The following SLC39A12 variants were observed in gnomAD, a reference collection of about 807,000 sequenced individuals.
SLC39A12 encodes the protein zinc transporter ZIP12.
In SLC39A12, 63 loss-of-function variants were observed where a neutral mutation model predicts 71.1. That is an observed-to-expected ratio of 0.89 (90% CI 0.72 to 1.09). SLC39A12 has a LOEUF of 1.09. SLC39A12 is among the 50% of genes least tolerant of loss of function. The pLI is 0.00. For missense variants in SLC39A12, 892 were observed against 812.6 expected, an observed-to-expected ratio of 1.10 and a Z score of -1.19; for synonymous variants, 351 against 301.3, an observed-to-expected ratio of 1.16 and a Z score of -1.71.
intron 12 of SLC39A12, among the ~76,000 whole-genome samples, chr10:18,034,548 C>T (rs1235620288): frequency 6.6e-6 from 1 of 150,954 alleles, no homozygotes; most frequent in African/African-American, 2.4e-5. Flanking sequence ...TGTCTCTGCA[C>T]ATGAGATGGG....
chr10:17,963,540 C>A (rs1834745199), intron 3 of SLC39A12, among the ~76,000 whole-genome samples: 1 of 152,230 alleles, frequency 6.6e-6, no homozygotes, highest in African/African-American at 2.4e-5. Context: ...CCTGCTGAGT[C>A]ATAACCCTTT....
intron 3 of SLC39A12, among the ~76,000 whole-genome samples, chr10:17,964,323 G>A (rs1834769296): frequency 1.3e-5 from 2 of 152,068 alleles, no homozygotes; most frequent in African/African-American, 4.8e-5. Flanking sequence ...ACTCTGCTCT[G>A]GACCATGGTT....
At chr10:18,042,432 TG>T (rs889876744) in intron 12 of SLC39A12, among the ~76,000 whole-genome samples, 5 of 122,706 alleles carry the variant, frequency 4.1e-5, no homozygotes, top group African/African-American at 1.6e-4. Context: ...CACTCCAGCC[TG>T]GGTGACAGGG....
chr10:17,971,665 C>A (rs1378649031), intron 4 of SLC39A12, among the ~76,000 whole-genome samples: 1 of 152,020 alleles, frequency 6.6e-6, no homozygotes, highest in African/African-American at 2.4e-5. Flanking sequence ...TGAATTTCTG[C>A]AGTATCAGTT....
rs373279347 is a variant in SLC39A12, at chr10:18,003,187, C to T, written c.1776C>T (p.Leu592=). The change falls in exon 12 of 13, where the codon CTC becomes CTT. Residue 592 remains leucine (L), a synonymous_variant. Transcript: ENST00000377369. ...AAACTTCAGGAGACTTTGCCGTGCT[C>T]TTAAGCTCTGGACTTTCTATGAAGA... ...IPHEMGDFAV[L]LSSGLSMKTA... 1.7e-5 allele frequency: 28 copies of T among 1,613,650 alleles called. No individual in the cohort carries two copies. In the African/African-American group the frequency reaches 2.7e-4, roughly 15 times the overall value.
At chr10:18,042,448 G>T (rs1003514644) in intron 12 of SLC39A12, among the ~76,000 whole-genome samples, 12 of 111,892 alleles carry the variant, frequency 1.1e-4, no homozygotes, top group Non-Finnish European at 2.1e-4. Flanking sequence ...ACAGGGCAAA[G>T]ACCCTGCCTC....
At chr10:18,035,668 C>T (rs2130900095) in intron 12 of SLC39A12, among the ~76,000 whole-genome samples, 1 of 152,340 alleles carries the variant, frequency 6.6e-6, no homozygotes, top group Admixed American at 6.5e-5. Flanking sequence ...ATTCTCCATC[C>T]AGCTTTGTTC....
Position 18,003,201 on chromosome 10 carries a change from T to A in SLC39A12, c.1790T>A (p.Leu597His). Residue 597 changes from leucine to histidine, a missense_variant, in exon 12 of 13, where the codon CTT (leucine) becomes CAT (histidine). Leu to His is a moderately conservative substitution (Grantham distance 99). Coordinates refer to ENST00000377369, the MANE Select transcript of SLC39A12 (RefSeq NM_001145195.2). ...GDFAVLLSSG[L>H]SMKTAILMNF... ...TTTGCCGTGCTCTTAAGCTCTGGAC[T>A]TTCTATGAAGACTGCCATCCTGATG... 1 of 1,614,154 alleles carries A rather than the reference T, an allele frequency of 6.2e-7. No homozygotes were observed. The highest frequency in any genetic ancestry group is 1.1e-5 in the South Asian group (1 of 91,066).
At chr10:17,973,667 T>C (rs546917054) in intron 4 of SLC39A12, among the ~76,000 whole-genome samples, 2 of 152,300 alleles carry the variant, frequency 1.3e-5, no homozygotes, top group East Asian at 3.9e-4. Flanking sequence ...ATCCTTTCTT[T>C]ATCTTTGATC....
In SLC39A12 at chr10:17,973,714, G is replaced by A. The variant is rs150935627; in HGVS notation, c.752-4188G>A. Among the ~76,000 whole-genome samples, 1,015 of 151,990 alleles carry A rather than the reference G, an allele frequency of 6.7e-3. 14 individuals carry two copies. Among genetic ancestry groups the A allele is most frequent in the African/African-American group, 0.023 (938 of 41,464 alleles). Reference sequence around the variant, plus strand: ...GCTTATTAAATGCCTTGAGGTAGTCGTCTTTGGGTCAAATCTGCTTGGTGT... The same window carrying A: ...GCTTATTAAATGCCTTGAGGTAGTCATCTTTGGGTCAAATCTGCTTGGTGT... On this transcript the variant is annotated intron_variant, in intron 4 of 12. Transcript: ENST00000377369.
At chr10:17,968,206 T>A (rs1191805600) in intron 4 of SLC39A12, among the ~76,000 whole-genome samples, 1 of 152,068 alleles carries the variant, frequency 6.6e-6, no homozygotes, top group Non-Finnish European at 1.5e-5. Flanking sequence ...ACTATTTATT[T>A]CCAGTTCTCA....
intron 12 of SLC39A12, among the ~76,000 whole-genome samples, chr10:18,035,937 G>T (rs1280802158): frequency 2.6e-5 from 4 of 152,146 alleles, no homozygotes; most frequent in Admixed American, 2.6e-4. Flanking sequence ...CCTGCTGGGG[G>T]GTGCCTCCCA....
At chr10:18,017,587 A>T (rs1836422086) in intron 12 of SLC39A12, among the ~76,000 whole-genome samples, 1 of 152,198 alleles carries the variant, frequency 6.6e-6, no homozygotes, top group Non-Finnish European at 1.5e-5. Context: ...CTGTGTCTAG[A>T]TTCACTTTTT....
intron 12 of SLC39A12, among the ~76,000 whole-genome samples, chr10:18,018,762 T>G (rs531876594): frequency 5.3e-5 from 8 of 152,148 alleles, no homozygotes; most frequent in Non-Finnish European, 1.2e-4. Context: ...TTTTGTACAT[T>G]GTTGGTTTTG....
Position 17,953,454 on chromosome 10 carries a change from C to A in SLC39A12, c.178C>A (p.His60Asn), listed in dbSNP as rs782328046. 9 of 1,614,110 alleles carry A rather than the reference C, an allele frequency of 5.6e-6. No individual in the cohort carries two copies. The highest frequency in any genetic ancestry group is 1.3e-5 in the African/African-American group (1 of 74,940). The change falls in exon 2 of 13, where the codon CAC becomes AAC. Residue 60 changes from histidine (H) to asparagine (N), a missense_variant. Transcript: ENST00000377369. ...LSAGDHPPHN[H>N]SRSLIKTLLE... ...TGCTGGTGACCACCCACCCCACAACCACTCAAGAAGCCTCATCAAAACATT... is the reference window on the plus strand; with the variant it reads ...TGCTGGTGACCACCCACCCCACAACAACTCAAGAAGCCTCATCAAAACATT...
rs1244832716 is a variant in SLC39A12, at chr10:18,000,826, G to A, written c.1759+1G>A. 3 of 1,613,322 alleles carry A rather than the reference G, an allele frequency of 1.9e-6. No individual in the cohort carries two copies. Among genetic ancestry groups the A allele is most frequent in the Admixed American group, 1.7e-5 (1 of 59,968 alleles). On this transcript the variant is annotated splice_donor_variant, in intron 11 of 12. Transcript: ENST00000377369. LOFTEE classifies it high-confidence loss of function. ...TGTCATGAAATCCCACATGAAATGG[G>A]TAAGTTCAACAATGGAATTACTGTT...
chr10:17,976,031 G>A (rs1030537237), intron 4 of SLC39A12, among the ~76,000 whole-genome samples: 2 of 152,170 alleles, frequency 1.3e-5, no homozygotes, highest in Non-Finnish European at 2.9e-5. Context: ...CCACACTGCT[G>A]CTACTGGGGA....
chr10:17,996,510 G>A (rs1166519295), intron 10 of SLC39A12, among the ~76,000 whole-genome samples: 1 of 152,154 alleles, frequency 6.6e-6, no homozygotes, highest in Non-Finnish European at 1.5e-5. Context: ...AGTGAAAATA[G>A]CTAACACGTA....
chr10:18,034,132 T>C (rs1167679637), intron 12 of SLC39A12, among the ~76,000 whole-genome samples: 2 of 152,148 alleles, frequency 1.3e-5, no homozygotes, highest in East Asian at 3.9e-4. Context: ...ATTCTGTTGA[T>C]TTGTGGTGGA....
Sources: gnomAD v4.1 joint callset for allele counts (sites outside exome capture counted in the v4.1 genomes callset) on GRCh38, gnomAD v4.1.1 for gene constraint, MANE v1.5 for transcripts, NCBI Gene and HGNC (gene_info 2026-07-23, HGNC 2026-07-21) for gene names.